Variants in TSKU observed in about 807,000 individuals in gnomAD.
TSKU encodes the protein tsukushi.
In TSKU, 4 loss-of-function variants were observed where a neutral mutation model predicts 11.2. The ratio of observed to expected loss-of-function variants is 0.36; its 90% CI spans 0.18 to 0.82. The LOEUF (loss-of-function observed/expected upper bound fraction) is 0.82. TSKU is among the 40% of genes least tolerant of loss of function. The pLI is 0.50. For synonymous variants in TSKU, 220 were observed against 232.2 expected, an observed-to-expected ratio of 0.95 and a Z score of 0.48; for missense variants, 407 against 482.5, an observed-to-expected ratio of 0.84 and a Z score of 1.47.
At position 76,796,537 on chromosome 11, in the gene TSKU, C is replaced by T. The variant is rs377014122; in HGVS notation, c.921C>T (p.Ser307=). 1.9e-5 allele frequency: 30 copies of T among 1,605,906 alleles called. No homozygotes were observed. Among genetic ancestry groups the T allele is most frequent in the Middle Eastern group, 1.7e-4 (1 of 6,040 alleles). Residue 307 remains serine (S), a synonymous_variant, in exon 2 of 2, where the codon AGC becomes AGT. Coordinates refer to ENST00000333090, the MANE Select transcript of TSKU (RefSeq NM_015516.4). This position sits in a 1 kb window ranked among gnomAD's most constrained non-coding sequence, Gnocchi z 4.1. ...TCCTCCACCTCCCGGCACTGCAGAG[C>T]GTCAGCGTGGGCCAGGATGTGCGGT... ...ALLLHLPALQ[S]VSVGQDVRCR...
At chr11:76,795,233 A>G (rs1411610654) in intron 1 of TSKU, among the ~76,000 whole-genome samples, 2 of 152,160 alleles carry the variant, frequency 1.3e-5, no homozygotes, top group Non-Finnish European at 2.9e-5. Flanking sequence ...AGCCCGAGAA[A>G]CCGTCTAGTC....
intron 1 of TSKU, among the ~76,000 whole-genome samples, chr11:76,783,962 C>A (rs1590814691): frequency 6.6e-6 from 1 of 152,156 alleles, no homozygotes; most frequent in South Asian, 2.1e-4. Flanking sequence ...ACTTTTCTCC[C>A]GGTTCCTCGG....
rs1478009201 is a variant in TSKU, at chr11:76,795,986, C to A, written c.370C>A (p.Pro124Thr). Residue 124 changes from proline (P) to threonine (T), a missense_variant, in exon 2 of 2, where the codon CCA becomes ACA. Physicochemically the swap from Pro to Thr is conservative, Grantham distance 38. Transcript: ENST00000333090. ...DLSHNGLTAL[P>T]AESFTSSPLS... is the part of the protein sequence containing the mutation. ...CAGCCACAATGGCCTGACAGCCCTGCCAGCCGAGAGCTTCACCAGCTCACC... is the reference window on the plus strand; with the variant it reads ...CAGCCACAATGGCCTGACAGCCCTGACAGCCGAGAGCTTCACCAGCTCACC... 1.2e-6 allele frequency: 2 copies of A among 1,613,788 alleles called. No individual in the cohort carries two copies. Among genetic ancestry groups the A allele is most frequent in the East Asian group, 2.2e-5 (1 of 44,882 alleles).
chr11:76,796,881 G>C lies in TSKU; in HGVS notation c.*203G>C, dbSNP rs1944461275. The C allele has an allele frequency of 4.7e-6, 2 of 427,400 alleles. No individual in the cohort carries two copies. Among genetic ancestry groups the C allele is most frequent in the Non-Finnish European group, 8.5e-6 (2 of 236,478 alleles). The allele number at this position is 427,400 out of a possible 1,614,324, so 26.5% of individuals were successfully genotyped here. A position where few individuals can be genotyped will look rare whatever the true frequency, so the allele number is the denominator to read the frequency against. On this transcript the variant is annotated 3_prime_UTR_variant, in exon 2 of 2. Transcript: ENST00000333090. This position sits in a 1 kb window ranked among gnomAD's most constrained non-coding sequence, Gnocchi z 4.1. ...AAAGTCTCACCCCTTTGTCTACGTTGCTTCCCCAAACCATGAGCAGAGGGA... is the reference window on the plus strand; with the variant it reads ...AAAGTCTCACCCCTTTGTCTACGTTCCTTCCCCAAACCATGAGCAGAGGGA...
Position 76,795,675 on chromosome 11 carries a change from G to A in TSKU, c.59G>A (p.Cys20Tyr). The A allele has an allele frequency of 6.2e-7, 1 of 1,613,954 alleles. No individual in the cohort carries two copies. The highest frequency in any genetic ancestry group is 8.5e-7 in the Non-Finnish European group (1 of 1,180,042). The change falls in exon 2 of 2, where the codon TGC (cysteine) becomes TAC (tyrosine). Residue 20 changes from cysteine to tyrosine, a missense_variant. Physicochemically the swap from Cys to Tyr is radical, Grantham distance 194 (BLOSUM62 -2). Coordinates refer to ENST00000333090, the MANE Select transcript of TSKU (RefSeq NM_015516.4). ...AVSGAQTTRPCFPGCQCEVET... is the reference protein window; with the variant it reads ...AVSGAQTTRPYFPGCQCEVET... ...AGTGGGGCCCAGACAACCCGGCCATGCTTCCCCGGGTGCCAATGCGAGGTG... is the reference window on the plus strand; with the variant it reads ...AGTGGGGCCCAGACAACCCGGCCATACTTCCCCGGGTGCCAATGCGAGGTG...
chr11:76,786,919 C>G (rs908342179), intron 1 of TSKU, among the ~76,000 whole-genome samples: 4 of 152,136 alleles, frequency 2.6e-5, no homozygotes, highest in Non-Finnish European at 5.9e-5. Flanking sequence ...GGATTCTTCT[C>G]CATCTTCAGC....
At chr11:76,789,542 C>T (rs556729446) in intron 1 of TSKU, among the ~76,000 whole-genome samples, 2 of 152,338 alleles carry the variant, frequency 1.3e-5, no homozygotes, top group South Asian at 4.1e-4. Context: ...GGACCTGGCC[C>T]TGTGGGCCCA....
At position 76,797,128 on chromosome 11, in the gene TSKU, T is replaced by TGCCATGAG. The variant is rs1025181505; in HGVS notation, c.*462_*469dup. On this transcript the variant is annotated 3_prime_UTR_variant, in exon 2 of 2. Transcript: ENST00000333090. ...TTCTTTTCTAACATAGCCCTTTCTTTGCCATGAGGCCATGAGGCCCGCTTC... is the reference window on the plus strand; with the variant it reads ...TTCTTTTCTAACATAGCCCTTTCTTTGCCATGAGGCCATGAGGCCATGAGGCCCGCTTC... The TGCCATGAG allele has an allele frequency of 4.7e-5, 8 of 170,916 alleles. No homozygotes were observed. The highest frequency in any genetic ancestry group is 1.7e-4 in the African/African-American group (7 of 41,614). The allele number at this position is 170,916 out of a possible 1,614,324, so 10.6% of individuals were successfully genotyped here.
chr11:76,788,775 C>T (rs1177230649), intron 1 of TSKU, among the ~76,000 whole-genome samples: 3 of 152,218 alleles, frequency 2.0e-5, no homozygotes, highest in Non-Finnish European at 4.4e-5. Context: ...TCTTCCTCCA[C>T]ACACCCTCTA....
intron 1 of TSKU, among the ~76,000 whole-genome samples, chr11:76,795,158 C>G (rs1944423003): frequency 6.6e-6 from 1 of 152,170 alleles, no homozygotes; most frequent in South Asian, 2.1e-4. Flanking sequence ...GTGGATGAGC[C>G]CCTCACCCGG....
chr11:76,796,524 C>T lies in TSKU; in HGVS notation c.908C>T (p.Pro303Leu), dbSNP rs368367731. ...CCTGAGGCGCTGCTCCTCCACCTCC[C>T]GGCACTGCAGAGCGTCAGCGTGGGC... Reference protein sequence around the residue: ...PLPEALLLHLPALQSVSVGQD... With the variant: ...PLPEALLLHLLALQSVSVGQD... Residue 303 changes from proline to leucine, a missense_variant, in exon 2 of 2, where the codon CCG becomes CTG. Physicochemically the swap from Pro to Leu is moderately conservative, Grantham distance 98. Transcript: ENST00000333090. The surrounding 1 kb of genome is among the most constrained non-coding windows in gnomAD (Gnocchi z 4.1). The T allele has an allele frequency of 1.5e-5, 24 of 1,610,122 alleles. No homozygotes were observed. Among genetic ancestry groups the T allele is most frequent in the African/African-American group, 2.7e-5 (2 of 74,804 alleles).
Position 76,796,767 on chromosome 11 carries a change from G to A in TSKU, c.*89G>A. On this transcript the variant is annotated 3_prime_UTR_variant, in exon 2 of 2. Transcript: ENST00000333090. The surrounding 1 kb of genome is among the most constrained non-coding windows in gnomAD (Gnocchi z 4.1). Reference sequence around the variant, plus strand: ...ACTTATGTTCAATGTGCCAACACCAGTGGGGAGCCCGCAGGCCTATGTGGC... The same window carrying A: ...ACTTATGTTCAATGTGCCAACACCAATGGGGAGCCCGCAGGCCTATGTGGC... 3 of 1,083,258 alleles carry A rather than the reference G, an allele frequency of 2.8e-6. No homozygotes were observed. The highest frequency in any genetic ancestry group is 3.8e-6 in the Non-Finnish European group (3 of 795,144). The allele number at this position is 1,083,258 out of a possible 1,614,324, so 67.1% of individuals were successfully genotyped here.
At chr11:76,794,151 G>A (rs541876942) in intron 1 of TSKU, among the ~76,000 whole-genome samples, 3 of 152,290 alleles carry the variant, frequency 2.0e-5, no homozygotes, top group South Asian at 4.1e-4. Flanking sequence ...GTGCAGGGCC[G>A]GGGTGACGAC....
At chr11:76,795,135 T>C (rs965096832) in intron 1 of TSKU, among the ~76,000 whole-genome samples, 1 of 152,176 alleles carries the variant, frequency 6.6e-6, no homozygotes, top group Non-Finnish European at 1.5e-5. Flanking sequence ...GGGCACACCC[T>C]ACCCTCAGCC....
Position 76,795,865 on chromosome 11 carries a change from C to T in TSKU, c.249C>T (p.Tyr83=). 6.2e-7 allele frequency: 1 copy of T among 1,613,878 alleles called. No homozygotes were observed. The change falls in exon 2 of 2, where the codon TAC becomes TAT. Residue 83 remains tyrosine, a synonymous_variant. Coordinates refer to ENST00000333090, the MANE Select transcript of TSKU (RefSeq NM_015516.4). ...AGTCGGTGTTGGCGGGGCCGGGCTA[C>T]ACGACGTTGGCTGGCCTGGATCTCA... is the stretch of plus-strand genomic sequence containing the variant. ...VNESVLAGPG[Y]TTLAGLDLSH... is the part of the protein sequence containing the mutation.
At chr11:76,790,025 C>G (rs1161667863) in intron 1 of TSKU, among the ~76,000 whole-genome samples, 1 of 144,542 alleles carries the variant, frequency 6.9e-6, no homozygotes, top group African/African-American at 2.6e-5. Flanking sequence ...TATCCCATCA[C>G]CACCCACCCC....
intron 1 of TSKU, among the ~76,000 whole-genome samples, chr11:76,791,464 T>C (rs1944368919): frequency 6.6e-6 from 1 of 152,154 alleles, no homozygotes; most frequent in East Asian, 1.9e-4. Context: ...AAATGGTTTC[T>C]CAGGCCAGGC....
chr11:76,796,796 G>A lies in TSKU; in HGVS notation c.*118G>A, dbSNP rs531681001. 2.8e-5 allele frequency: 21 copies of A among 752,250 alleles called. No homozygotes were observed. Among genetic ancestry groups the A allele is most frequent in the Middle Eastern group, 4.2e-4 (1 of 2,394 alleles). 46.6% of individuals were successfully genotyped at this position (752,250 alleles called of 1,614,324 possible). A position where few individuals can be genotyped will look rare whatever the true frequency, so the allele number is the denominator to read the frequency against. On this transcript the variant is annotated 3_prime_UTR_variant, in exon 2 of 2. Transcript: ENST00000333090. The surrounding 1 kb of genome is among the most constrained non-coding windows in gnomAD (Gnocchi z 4.1). ...GGAGCCCGCAGGCCTATGTGGCAGC[G>A]TCACCACAGGAGTTGTGGGCCTAGG...
chr11:76,782,591 G>A (rs1377940560), upstream of TSKU: 3 of 151,262 alleles, frequency 2.0e-5, no homozygotes, highest in African/African-American at 7.3e-5. Flanking sequence ...CATAAAGAGG[G>A]GTGAGAGCCC....
Sources: allele counts gnomAD v4.1 joint callset (sites outside exome capture counted in the v4.1 genomes callset), GRCh38; gene constraint gnomAD v4.1.1; non-coding constraint Gnocchi (gnomAD v3.1); transcripts MANE v1.5; gene names NCBI Gene and HGNC (gene_info 2026-07-23, HGNC 2026-07-21).